The following LACTB2 variants were observed in gnomAD, a reference collection of about 807,000 sequenced individuals.
LACTB2 encodes the protein lactamase beta 2.
A neutral mutation model predicts 34.8 loss-of-function variants in LACTB2; 32 were observed. That is an observed-to-expected ratio of 0.92 (90% CI 0.69 to 1.24). The LOEUF (loss-of-function observed/expected upper bound fraction) is 1.24, where lower values mean the gene tolerates loss of function less well. LACTB2 is among the 50% of genes most tolerant of loss of function. The pLI is 0.00. For missense variants in LACTB2, 320 were observed against 345.0 expected, an observed-to-expected ratio of 0.93 and a Z score of 0.57; for synonymous variants, 120 against 117.5, an observed-to-expected ratio of 1.02 and a Z score of -0.14.
chr8:70,644,082 G>A lies in LACTB2; in HGVS notation c.575C>T (p.Ala192Val), dbSNP rs1795370936. The A allele has an allele frequency of 1.3e-6, 2 of 1,573,208 alleles. No individual in the cohort carries two copies. The highest frequency in any genetic ancestry group is 1.9e-5 in the Admixed American group (1 of 53,472). ...NSLKELLKIK[A>V]DIIYPGHGPV... ...TTACCCACCTGGATATATAATATCA[G>A]CTTTGATTTTCAATAACTCTTTTAA... Residue 192 changes from alanine to valine, a missense_variant, in exon 4 of 7, where the codon GCT (alanine) becomes GTT (valine). By Grantham distance (64) the Ala-to-Val change is moderately conservative. Coordinates refer to ENST00000276590, the MANE Select transcript of LACTB2 (RefSeq NM_016027.3).
chr8:70,649,147 TA>T lies in LACTB2; in HGVS notation c.414-4905del, dbSNP rs1818305145. ...AAAAATTCACCATTTCTCAGAAAGC[TA>T]CTGGAGATGGGTTCCCCTAAAACAG... On this transcript the variant is annotated intron_variant, in intron 3 of 6. Coordinates refer to ENST00000276590, the MANE Select transcript of LACTB2 (RefSeq NM_016027.3). Among the ~76,000 whole-genome samples the T allele has an allele frequency of 8.5e-5, 13 of 152,184 alleles. 1 individual carries two copies. The highest frequency in any genetic ancestry group is 8.5e-4 in the Admixed American group (13 of 15,278).
Position 70,640,168 on chromosome 8 carries a change from C to T in LACTB2, c.741+734G>A, listed in dbSNP as rs1246046875. Among the ~76,000 whole-genome samples, 5 of 152,196 alleles carry T rather than the reference C, an allele frequency of 3.3e-5. No homozygotes were observed. In the South Asian group the frequency reaches 1.0e-3, roughly 32 times the overall value. ...GTAGAGATGAGGTCTCACTATGTTG[C>T]CCAAGCTTGTCTCGGACTCCTGGGC... On this transcript the variant is annotated intron_variant, in intron 5 of 6. Transcript: ENST00000276590.
At chr8:70,655,526 A>C (rs1818399916) in intron 3 of LACTB2, among the ~76,000 whole-genome samples, 1 of 151,984 alleles carries the variant, frequency 6.6e-6, no homozygotes, top group South Asian at 2.1e-4. Context: ...CTGGCCCCGT[A>C]ATTCATTCCT....
intron 1 of LACTB2, chr8:70,662,880 G>A (rs1818497213): frequency 1.3e-5 from 2 of 151,916 alleles, no homozygotes; most frequent in Admixed American, 6.6e-5. Context: ...TAGAGATGGT[G>A]TTTCGTCATA....
At chr8:70,643,243 A>G (rs1261507376) in intron 4 of LACTB2, among the ~76,000 whole-genome samples, 5 of 74,828 alleles carry the variant, frequency 6.7e-5, no homozygotes, top group East Asian at 4.7e-4. Context: ...TTTTTTTTTG[A>G]GACAGAGTTT....
intron 4 of LACTB2, among the ~76,000 whole-genome samples, chr8:70,641,500 C>T (rs371673100): frequency 6.6e-6 from 1 of 152,080 alleles, no homozygotes; most frequent in Non-Finnish European, 1.5e-5. Context: ...GTAAATAATC[C>T]GTCCACAGTT....
At chr8:70,640,613 A>G in intron 5 of LACTB2, 1 of 185,502 alleles carries the variant, frequency 5.4e-6, no homozygotes. Flanking sequence ...AAAAATTATT[A>G]CAAAATGTAA....
At chr8:70,667,432 C>T (rs1818544718) in intron 1 of LACTB2, among the ~76,000 whole-genome samples, 1 of 152,206 alleles carries the variant, frequency 6.6e-6, no homozygotes, top group South Asian at 2.1e-4. Context: ...ATTATCTACA[C>T]TTATTTCTAG....
intron 4 of LACTB2, 93 bp from the exon 5 acceptor site, chr8:70,641,143 A>G (rs1818192448): frequency 8.8e-7 from 1 of 1,140,832 alleles, no homozygotes; most frequent in Non-Finnish European, 1.2e-6. Context: ...AATAATTCAT[A>G]TGATATATTG....
At chr8:70,643,637 C>T (rs911978566) in intron 4 of LACTB2, among the ~76,000 whole-genome samples, 3 of 151,970 alleles carry the variant, frequency 2.0e-5, no homozygotes, top group African/African-American at 7.3e-5. Context: ...GTCTCAGCCT[C>T]CCAAGTAGCT....
At chr8:70,651,658 GATATAA>G (rs1818345075) in intron 3 of LACTB2, among the ~76,000 whole-genome samples, 1 of 134,344 alleles carries the variant, frequency 7.4e-6, no homozygotes, top group Non-Finnish European at 1.6e-5. Context: ...TGTTTTCTGT[GATATAA>G]ACACAGAAAA....
intron 3 of LACTB2, among the ~76,000 whole-genome samples, chr8:70,644,759 C>T (rs1405242675): frequency 6.6e-6 from 1 of 152,138 alleles, no homozygotes; most frequent in Non-Finnish European, 1.5e-5. Context: ...GGATTACAGG[C>T]ATTAGCCACC....
At chr8:70,662,479 C>T (rs1211626641) in intron 1 of LACTB2, 2 of 152,256 alleles carry the variant, frequency 1.3e-5, no homozygotes, top group Middle Eastern at 3.4e-3. Flanking sequence ...AGCACCCTGA[C>T]ACATGAAAAT....
chr8:70,660,740 C>T (rs1298053888), intron 2 of LACTB2: 6 of 456,230 alleles, frequency 1.3e-5, no homozygotes, highest in Non-Finnish European at 2.6e-5. Flanking sequence ...TTCCCTTTCT[C>T]TTCTTGTACC....
In LACTB2 at chr8:70,638,531, T is replaced by C; in HGVS notation, c.823+17A>G. 6.6e-7 allele frequency: 1 copy of C among 1,525,782 alleles called. No homozygotes were observed. The highest frequency in any genetic ancestry group is 2.4e-5 in the East Asian group (1 of 41,446). The allele number at this position is 1,525,782 out of a possible 1,614,324, so 94.5% of individuals were successfully genotyped here. On this transcript the variant is annotated intron_variant, in intron 6 of 6. Transcript: ENST00000276590. ...TTTAAATGCTGGTAATAGAAGAAAA[T>C]TTGGAAGCATACTCACATATTTTTC... is the stretch of plus-strand genomic sequence containing the variant.
intron 4 of LACTB2, among the ~76,000 whole-genome samples, chr8:70,642,915 T>C (rs1695029377): frequency 6.6e-6 from 1 of 152,198 alleles, no homozygotes; most frequent in Admixed American, 6.5e-5. Context: ...TAGAAGCTAT[T>C]GGTATTTCAA....
chr8:70,646,788 T>C (rs562813891), intron 3 of LACTB2: 114 of 152,368 alleles, frequency 7.5e-4, no homozygotes, highest in Non-Finnish European at 1.3e-3. Context: ...CTCAGCAATA[T>C]ACAGACTTAA....
intron 3 of LACTB2, chr8:70,646,147 C>G (rs994059437): frequency 6.6e-6 from 1 of 152,316 alleles, no homozygotes; most frequent in East Asian, 1.9e-4. Context: ...CACATCCTCT[C>G]CAGCACCTGT....
intron 5 of LACTB2, among the ~76,000 whole-genome samples, chr8:70,640,024 G>A (rs35814896): frequency 0.15 from 22,389 of 152,050 alleles, 2,287 homozygotes; most frequent in African/African-American, 0.29. Context: ...GCAACGGTGC[G>A]ATGTAGGCTC....
Sources: allele counts gnomAD v4.1 joint callset (sites outside exome capture counted in the v4.1 genomes callset), GRCh38; gene constraint gnomAD v4.1.1; transcripts MANE v1.5; gene names NCBI Gene and HGNC (gene_info 2026-07-23, HGNC 2026-07-21).